The following TRIM56 variants were observed in gnomAD, a reference collection of about 807,000 sequenced individuals.
TRIM56 encodes tripartite motif containing 56.
Under a neutral mutation model 17.1 loss-of-function variants are expected in TRIM56, and 10 were observed. The ratio of observed to expected loss-of-function variants is 0.58; its 90% CI spans 0.36 to 0.99. The LOEUF (loss-of-function observed/expected upper bound fraction) is 0.99, where lower values mean the gene tolerates loss of function less well. TRIM56 is among the 50% of genes least tolerant of loss of function. TRIM56 has a pLI of 0.01. For synonymous variants in TRIM56, 503 were observed against 473.5 expected (o/e 1.06, Z -0.81); for missense variants, 923 against 1,052.3 (o/e 0.88, Z 1.70).
Position 101,088,329 on chromosome 7 carries a change from C to G in TRIM56, c.1017C>G (p.Pro339=), listed in dbSNP as rs781603497. The change falls in exon 3 of 3, where the codon CCC becomes CCG. Residue 339 remains proline, a synonymous_variant. Coordinates refer to ENST00000306085, the MANE Select transcript of TRIM56 (RefSeq NM_030961.3). ...GGCTCAGGCAGCTGCAGGGCTGCCC[C>G]TGGGCACCAGGCCCGGCCCCCTGCC... ...AQRLRQLQGC[P]WAPGPAPCLL... 8 of 1,529,990 alleles carry G rather than the reference C, an allele frequency of 5.2e-6. No individual in the cohort carries two copies. In the African/African-American group the frequency reaches 1.1e-4, roughly 21 times the overall value. The allele number at this position is 1,529,990 out of a possible 1,614,324, so 94.8% of individuals were successfully genotyped here. A position where few individuals can be genotyped will look rare whatever the true frequency, so the allele number is the denominator to read the frequency against.
rs182587112 is a variant in TRIM56 at position 101,089,693 on chromosome 7, A to G, written c.*113A>G. The stretch of plus-strand genomic sequence containing the variant: ...TTTTCCTGAAGGGCAGGGGTTGGCA[A>G]CTTTTCAACATGGAGTGCCAAACTG... On this transcript the variant is annotated 3_prime_UTR_variant, in exon 3 of 3. Transcript: ENST00000306085. 1.2e-5 allele frequency: 12 copies of G among 1,024,526 alleles called. No homozygotes were observed. The highest frequency in any genetic ancestry group is 4.9e-5 in the African/African-American group (3 of 61,714). 63.5% of individuals were successfully genotyped at this position (1,024,526 alleles called of 1,614,324 possible).
Position 101,089,804 on chromosome 7 carries a change from A to T in TRIM56, c.*224A>T. The T allele has an allele frequency of 2.8e-5, 14 of 492,594 alleles. No individual in the cohort carries two copies. The highest frequency in any genetic ancestry group is 6.7e-5 in the East Asian group (2 of 29,768). 30.5% of individuals were successfully genotyped at this position (492,594 alleles called of 1,614,324 possible). On this transcript the variant is annotated 3_prime_UTR_variant, in exon 3 of 3. Coordinates refer to ENST00000306085, the MANE Select transcript of TRIM56 (RefSeq NM_030961.3). ...AGAAGCAGAGGAGGCAGGTGGGTGG[A>T]GGGGGATGCTGGGAGTTCACCTGCC...
At position 101,092,791 on chromosome 7, in the gene TRIM56, G is replaced by A. The variant is rs1218404464; in HGVS notation, c.*3211G>A. The A allele has an allele frequency of 1.2e-5, 2 of 162,156 alleles. No individual in the cohort carries two copies. Among genetic ancestry groups the A allele is most frequent in the Non-Finnish European group, 2.6e-5 (2 of 76,586 alleles). The allele number at this position is 162,156 out of a possible 1,614,324, so 10.0% of individuals were successfully genotyped here. A position where few individuals can be genotyped will look rare whatever the true frequency, so the allele number is the denominator to read the frequency against. ...GCCTCTGCCCGGCCGCCCCGTCTGG[G>A]AGGTGAGGAGCCCCTCTGCCCGGCC... On this transcript the variant is annotated 3_prime_UTR_variant, in exon 3 of 3. Coordinates refer to ENST00000306085, the MANE Select transcript of TRIM56 (RefSeq NM_030961.3).
chr7:101,088,185 G>A lies in TRIM56; in HGVS notation c.873G>A (p.Arg291=). The change falls in exon 3 of 3, where the codon AGG becomes AGA. Residue 291 remains arginine (R), a synonymous_variant. Transcript: ENST00000306085. ...VEAAEEAARE[R]LAELEGREQV... ...CTGCCGAAGAAGCTGCTCGGGAGAG[G>A]CTGGCGGAGCTTGAGGGCCGGGAGC... The A allele has an allele frequency of 6.7e-7, 1 of 1,484,364 alleles. No homozygotes were observed. The highest frequency in any genetic ancestry group is 1.4e-5 in the African/African-American group (1 of 71,536). The allele number at this position is 1,484,364 out of a possible 1,614,324, so 91.9% of individuals were successfully genotyped here.
chr7:101,086,878 C>T lies in TRIM56; in HGVS notation c.-164-128C>T, dbSNP rs986724166. 2.4e-4 allele frequency: 41 copies of T among 173,160 alleles called. 1 individual carries two copies. The allele number at this position is 173,160 out of a possible 1,614,324, so 10.7% of individuals were successfully genotyped here. ...CTGCCTGCTCCTCGCACCCTGGCAC[C>T]CTATACAGCAGGACCCCAGTACCTG... On this transcript the variant is annotated intron_variant, in intron 1 of 2. Transcript: ENST00000306085.
rs983956506 is a variant in TRIM56, at chr7:101,096,824, T to C, written c.*7244T>C. 1 of 152,216 alleles carries C rather than the reference T, an allele frequency of 6.6e-6. No homozygotes were observed. Among genetic ancestry groups the C allele is most frequent in the Non-Finnish European group, 1.5e-5 (1 of 68,048 alleles). 9.4% of individuals were successfully genotyped at this position (152,216 alleles called of 1,614,324 possible). On this transcript the variant is annotated 3_prime_UTR_variant, in exon 3 of 3. Coordinates refer to ENST00000306085, the MANE Select transcript of TRIM56 (RefSeq NM_030961.3). ...TTTTGTTTTGCTTTCCAGCAGTTAC[T>C]TGAAGAAGCCTTATCTGAAGTCACA...
chr7:101,097,352 T>G lies in TRIM56; in HGVS notation c.*7772T>G, dbSNP rs10953321. On this transcript the variant is annotated 3_prime_UTR_variant, in exon 3 of 3. Coordinates refer to ENST00000306085, the MANE Select transcript of TRIM56 (RefSeq NM_030961.3). ...TCTTGGATGAACTGGGGCAGAGAAC[T>G]GCCAGAGAGAGTACCTAGGAATACG... The G allele has an allele frequency of 0.15, 23,378 of 152,102 alleles. 1,987 individuals carry two copies. The highest frequency in any genetic ancestry group is 0.22 in the African/African-American group (9,180 of 41,484). 9.4% of individuals were successfully genotyped at this position (152,102 alleles called of 1,614,324 possible). A position where few individuals can be genotyped will look rare whatever the true frequency, so the allele number is the denominator to read the frequency against.
chr7:101,086,333 G>T (rs984126088), intron 1 of TRIM56, among the ~76,000 whole-genome samples: 11 of 151,764 alleles, frequency 7.2e-5, no homozygotes, highest in Admixed American at 4.6e-4. Context: ...GACCGAGGAG[G>T]GCGGATCACC....
rs1017378104 is a variant in TRIM56, at chr7:101,094,961, C to G, written c.*5381C>G. ...CTAGACAAGGATGAGACTGGTATGA[C>G]TCTCCAAAGCTTTCCCACCTCCAAA... On this transcript the variant is annotated 3_prime_UTR_variant, in exon 3 of 3. Transcript: ENST00000306085. 1 of 151,688 alleles carries G rather than the reference C, an allele frequency of 6.6e-6. No homozygotes were observed. Among genetic ancestry groups the G allele is most frequent in the Non-Finnish European group, 1.5e-5 (1 of 68,028 alleles). The allele number at this position is 151,688 out of a possible 1,614,324, so 9.4% of individuals were successfully genotyped here. A position where few individuals can be genotyped will look rare whatever the true frequency, so the allele number is the denominator to read the frequency against.
In TRIM56 at chr7:101,088,783, C is replaced by A; in HGVS notation, c.1471C>A (p.Pro491Thr). The change falls in exon 3 of 3, where the codon CCC becomes ACC. Residue 491 changes from proline to threonine, a missense_variant. This residue lies in a region of TRIM56 where 643 missense variants were observed against 665.6 expected (regional missense o/e 0.97). Coordinates refer to ENST00000306085, the MANE Select transcript of TRIM56 (RefSeq NM_030961.3). ...NLDGSGLLPR[P>T]IFYCSFPTRM... ...GGACGGCTCTGGCCTCCTCCCCAGA[C>A]CCATCTTTTACTGCAGTTTCCCCAC... The A allele has an allele frequency of 6.2e-7, 1 of 1,613,964 alleles. No individual in the cohort carries two copies. The highest frequency in any genetic ancestry group is 8.5e-7 in the Non-Finnish European group (1 of 1,180,042).
chr7:101,088,301 A>G lies in TRIM56; in HGVS notation c.989A>G (p.Gln330Arg), dbSNP rs1795491082. 6.6e-7 allele frequency: 1 copy of G among 1,526,276 alleles called. No individual in the cohort carries two copies. 94.5% of individuals were successfully genotyped at this position (1,526,276 alleles called of 1,614,324 possible). ...CTCTCCCTGGAAGGGGCGATCGCAC[A>G]GCGGCTCAGGCAGCTGCAGGGCTGC... ...EILSLEGAIA[Q>R]RLRQLQGCPW... is the part of the protein sequence containing the mutation. The change falls in exon 3 of 3, where the codon CAG becomes CGG. Residue 330 changes from glutamine to arginine, a missense_variant. By Grantham distance (43) the Gln-to-Arg change is conservative (BLOSUM62 1). Transcript: ENST00000306085.
chr7:101,092,624 G>A lies in TRIM56; in HGVS notation c.*3044G>A, dbSNP rs1226347882. On this transcript the variant is annotated 3_prime_UTR_variant, in exon 3 of 3. Coordinates refer to ENST00000306085, the MANE Select transcript of TRIM56 (RefSeq NM_030961.3). ...CAGCCGCGCCGTCCGGGAGGGAGGT[G>A]GGGGGTCAGCCCCCGCCCGGCCAGC... 8.2e-6 allele frequency: 1 copy of A among 121,398 alleles called. No homozygotes were observed. The highest frequency in any genetic ancestry group is 2.1e-4 in the South Asian group (1 of 4,662). 7.5% of individuals were successfully genotyped at this position (121,398 alleles called of 1,614,324 possible).
chr7:101,096,352 A>C lies in TRIM56; in HGVS notation c.*6772A>C, dbSNP rs142709488. On this transcript the variant is annotated 3_prime_UTR_variant, in exon 3 of 3. Transcript: ENST00000306085. Reference sequence around the variant, plus strand: ...TAGGTTGTGCGTGGATGGACCAGTGAAAAGAAAATCCTGTTTGGGTAGGGA... The same window carrying C: ...TAGGTTGTGCGTGGATGGACCAGTGCAAAGAAAATCCTGTTTGGGTAGGGA... The C allele has an allele frequency of 6.6e-6, 1 of 152,316 alleles. No homozygotes were observed. The highest frequency in any genetic ancestry group is 1.5e-5 in the Non-Finnish European group (1 of 68,028). 9.4% of individuals were successfully genotyped at this position (152,316 alleles called of 1,614,324 possible). A position where few individuals can be genotyped will look rare whatever the true frequency, so the allele number is the denominator to read the frequency against.
In TRIM56 at chr7:101,091,999, G is replaced by C. The variant is rs1245778568; in HGVS notation, c.*2419G>C. 3.3e-6 allele frequency: 1 copy of C among 301,004 alleles called. No homozygotes were observed. The highest frequency in any genetic ancestry group is 6.5e-6 in the Non-Finnish European group (1 of 153,740). The allele number at this position is 301,004 out of a possible 1,614,324, so 18.6% of individuals were successfully genotyped here. ...GAGACGGGGTTTCACTGTGTTGGCC[G>C]GGCTGGTCTCCAGCTCCTAACCGCG... On this transcript the variant is annotated 3_prime_UTR_variant, in exon 3 of 3. Transcript: ENST00000306085.
At chr7:101,086,483 C>G (rs1289654327) in intron 1 of TRIM56, among the ~76,000 whole-genome samples, 1 of 149,938 alleles carries the variant, frequency 6.7e-6, no homozygotes, top group African/African-American at 2.5e-5. Flanking sequence ...ATCACTTGAA[C>G]CTGGCAGGTG....
rs761832581 is a variant in TRIM56 at position 101,088,066 on chromosome 7, G to C, written c.754G>C (p.Gly252Arg). 6 of 1,527,668 alleles carry C rather than the reference G, an allele frequency of 3.9e-6. No homozygotes were observed. The South Asian group carries it at 7.2e-5, about 18-fold the overall frequency. 94.6% of individuals were successfully genotyped at this position (1,527,668 alleles called of 1,614,324 possible). A position where few individuals can be genotyped will look rare whatever the true frequency, so the allele number is the denominator to read the frequency against. The change falls in exon 3 of 3, where the codon GGG becomes CGG. Residue 252 changes from glycine to arginine, a missense_variant. Around this residue, in one of 3 missense-constraint regions of TRIM56, gnomAD observed 643 missense variants for 665.6 expected, o/e 0.97. Coordinates refer to ENST00000306085, the MANE Select transcript of TRIM56 (RefSeq NM_030961.3). ...GCTGCGGGAGCAGGCGGCCCGGGTG[G>C]GGACTCAGGTGGAGGAGGCGGCTGA... Reference protein sequence around the residue: ...ARLREQAARVGTQVEEAAEGV... With the variant: ...ARLREQAARVRTQVEEAAEGV...
rs952939010 is a variant in TRIM56, at chr7:101,093,743, T to G, written c.*4163T>G. The G allele has an allele frequency of 3.3e-5, 5 of 152,280 alleles. No individual in the cohort carries two copies. Among genetic ancestry groups the G allele is most frequent in the Admixed American group, 1.3e-4 (2 of 15,282 alleles). 9.4% of individuals were successfully genotyped at this position (152,280 alleles called of 1,614,324 possible). A position where few individuals can be genotyped will look rare whatever the true frequency, so the allele number is the denominator to read the frequency against. On this transcript the variant is annotated 3_prime_UTR_variant, in exon 3 of 3. Transcript: ENST00000306085. The stretch of plus-strand genomic sequence containing the variant: ...TACTGGGGAGTCTGAGGCAGGAGAC[T>G]CGCTTGAACCTGGGAGGCAGAGGGT...
chr7:101,093,145 C>G lies in TRIM56; in HGVS notation c.*3565C>G, dbSNP rs374212144. The G allele has an allele frequency of 0.023, 3,904 of 168,838 alleles. 150 individuals carry two copies. The highest frequency in any genetic ancestry group is 0.086 in the African/African-American group (3,578 of 41,600). 10.5% of individuals were successfully genotyped at this position (168,838 alleles called of 1,614,324 possible). On this transcript the variant is annotated 3_prime_UTR_variant, in exon 3 of 3. Transcript: ENST00000306085. ...ACAGATGCTTGAAGGCAGCATGCTC[C>G]TTAAGAGTCATCACCACTCCCTAAT...
Position 101,089,117 on chromosome 7 carries a change from G to A in TRIM56, c.1805G>A (p.Arg602His), listed in dbSNP as rs765700076. Residue 602 changes from arginine to histidine, a missense_variant, in exon 3 of 3, where the codon CGC (arginine) becomes CAC (histidine). This residue lies in a region of TRIM56 where 182 missense variants were observed against 243.1 expected (regional missense o/e 0.75). Coordinates refer to ENST00000306085, the MANE Select transcript of TRIM56 (RefSeq NM_030961.3). ...HAVAALPSGD[R>H]VAVSVAGHVE... ...GTGGCGGCACTGCCTAGCGGGGACC[G>A]CGTGGCTGTCAGCGTGGCGGGCCAC... is the stretch of plus-strand genomic sequence containing the variant. 8.1e-6 allele frequency: 13 copies of A among 1,605,388 alleles called. No homozygotes were observed. Among genetic ancestry groups the A allele is most frequent in the African/African-American group, 1.3e-5 (1 of 74,892 alleles).
Sources: gnomAD v4.1 joint callset for allele counts (sites outside exome capture counted in the v4.1 genomes callset) on GRCh38, gnomAD v4.1.1 for gene constraint, gnomAD v4.1.1 regional missense constraint, MANE v1.5 for transcripts, NCBI Gene and HGNC (gene_info 2026-07-23, HGNC 2026-07-21) for gene names.